PLK2: variants seen among roughly 807,000 people sequenced by gnomAD.
The protein encoded by PLK2 is serine/threonine-protein kinase PLK2.
A neutral mutation model predicts 78.1 loss-of-function variants in PLK2; 25 were observed. That is an observed-to-expected ratio of 0.32 (90% CI 0.23 to 0.45). The LOEUF (loss-of-function observed/expected upper bound fraction) is 0.45, where lower values mean the gene tolerates loss of function less well. Among genes scored for constraint, PLK2 ranks in the 20% least tolerant of loss-of-function variants. PLK2 has a pLI of 1.00. For missense variants in PLK2, 566 were observed against 840.2 expected, an observed-to-expected ratio of 0.67 and a Z score of 4.04; for synonymous variants, 332 against 298.2, an observed-to-expected ratio of 1.11 and a Z score of -1.17.
intron 1 of PLK2, 144 bp from the exon 2 acceptor site, chr5:58,459,236 C>A: frequency 1.6e-6 from 1 of 617,712 alleles, no homozygotes; most frequent in South Asian, 2.0e-5. Flanking sequence ...GGGAGGCATT[C>A]GACTTCGTTA....
chr5:58,456,512 T>C lies in PLK2; in HGVS notation c.1234A>G (p.Ser412Gly). The change falls in exon 9 of 14, where the codon AGC (serine) becomes GGC (glycine). Residue 412 changes from serine to glycine, a missense_variant. Transcript: ENST00000274289. Reference sequence around the variant, plus strand: ...CACACCTCATCTGTCCTGTGTTTGCTGGGTTGCTGAGTTATTGAAGTCTTT... The same window carrying C: ...CACACCTCATCTGTCCTGTGTTTGCCGGGTTGCTGAGTTATTGAAGTCTTT... ...LKKTSITQQPSKHRTDEELQP... is the reference protein window; with the variant it reads ...LKKTSITQQPGKHRTDEELQP... 6.2e-7 allele frequency: 1 copy of C among 1,610,770 alleles called. No homozygotes were observed.
intron 5 of PLK2, 27 bp from the exon 6 acceptor site, chr5:58,457,610 G>C: frequency 7.5e-7 from 1 of 1,325,860 alleles, no homozygotes; most frequent in South Asian, 1.2e-5. Context: ...TTGAGATCGT[G>C]TTAGGAACTA....
chr5:58,455,119 T>G, intron 12 of PLK2, 98 bp from the exon 13 acceptor site: 1 of 1,128,858 alleles, frequency 8.9e-7, no homozygotes, highest in East Asian at 2.3e-5. Flanking sequence ...TAAGCAAGCA[T>G]CAGAATGGCT....
intron 3 of PLK2, 27 bp downstream of exon 3, chr5:58,458,698 T>A (rs200890812): frequency 1.1e-4 from 143 of 1,312,510 alleles, no homozygotes; most frequent in Middle Eastern, 4.3e-4. Context: ...GGTAAGCAAA[T>A]GTTCTCAAAT....
At position 58,456,043 on chromosome 5, in the gene PLK2, C is replaced by G; in HGVS notation, c.1367G>C (p.Cys456Ser). The G allele has an allele frequency of 6.2e-7, 1 of 1,612,464 alleles. No homozygotes were observed. The highest frequency in any genetic ancestry group is 8.5e-7 in the Non-Finnish European group (1 of 1,179,600). ...RMIVRGTLGS[C>S]SSSSECLEDS... is the part of the protein sequence containing the mutation. Reference sequence around the variant, plus strand: ...CCACTTACATTCACTGCTGCTGCTACAGCTGCCAAGAGTCCCTCTGACTAT... The same window carrying G: ...CCACTTACATTCACTGCTGCTGCTAGAGCTGCCAAGAGTCCCTCTGACTAT... Residue 456 changes from cysteine to serine, a missense_variant, in exon 10 of 14, where the codon TGT (cysteine) becomes TCT (serine). Physicochemically the swap from Cys to Ser is moderately radical, Grantham distance 112 (BLOSUM62 -1). Transcript: ENST00000274289.
Position 58,458,508 on chromosome 5 carries a change from T to A in PLK2, c.516A>T (p.Lys172Asn). The A allele has an allele frequency of 2.5e-6, 4 of 1,611,808 alleles. No homozygotes were observed. Among genetic ancestry groups the A allele is most frequent in the Non-Finnish European group, 3.4e-6 (4 of 1,179,058 alleles). Residue 172 changes from lysine (K) to asparagine (N), a missense_variant, in exon 4 of 14, where the codon AAA (lysine) becomes AAT (asparagine). Transcript: ENST00000274289. ...CSRRSMAHILKARKVLTEPEV... is the reference protein window; with the variant it reads ...CSRRSMAHILNARKVLTEPEV... ...CTGGCTCTGTCAACACCTTTCTTGC[T>A]TTCAAAATATGAGCCATTGACTAAG...
chr5:58,459,767 A>T lies in PLK2; in HGVS notation c.193T>A (p.Ser65Thr), dbSNP rs1287455177. 1.2e-6 allele frequency: 2 copies of T among 1,607,462 alleles called. No individual in the cohort carries two copies. The highest frequency in any genetic ancestry group is 2.2e-5 in the South Asian group (2 of 91,044). The change falls in exon 1 of 14, where the codon TCG (serine) becomes ACG (threonine). Residue 65 changes from serine (S) to threonine (T), a missense_variant. Ser to Thr is a moderately conservative substitution (Grantham distance 58). This residue lies in a region of PLK2 where 127 missense variants were observed against 122.5 expected (regional missense o/e 1.04). Transcript: ENST00000274289. ...APHHHHHHSHSGPEISRIIVD... is the reference protein window; with the variant it reads ...APHHHHHHSHTGPEISRIIVD... ...ATAATCCGCGAGATCTCCGGCCCCGAGTGCGAATGGTGGTGATGGTGGTGA... is the reference window on the plus strand; with the variant it reads ...ATAATCCGCGAGATCTCCGGCCCCGTGTGCGAATGGTGGTGATGGTGGTGA...
Position 58,459,793 on chromosome 5 carries a change from G to T in PLK2, c.167C>A (p.Pro56His). ...QSQAQVPPAA[P>H]HHHHHHSHSG... ...GTGCGAATGGTGGTGATGGTGGTGA[G>T]GGGCCGCCGGGGGCACTTGCGCCTG... is the stretch of plus-strand genomic sequence containing the variant. Residue 56 changes from proline (P) to histidine (H), a missense_variant, in exon 1 of 14, where the codon CCT becomes CAT. Physicochemically the swap from Pro to His is moderately conservative, Grantham distance 77 (BLOSUM62 -2). Around this residue, in one of 5 missense-constraint regions of PLK2, gnomAD observed 127 missense variants for 122.5 expected, o/e 1.04. Coordinates refer to ENST00000274289, the MANE Select transcript of PLK2 (RefSeq NM_006622.4). 6.2e-7 allele frequency: 1 copy of T among 1,608,132 alleles called. No homozygotes were observed.
rs762404906 is a variant in PLK2, at chr5:58,459,903, C to A, written c.57G>T (p.Glu19Asp). The A allele has an allele frequency of 1.2e-6, 2 of 1,612,250 alleles. No homozygotes were observed. The highest frequency in any genetic ancestry group is 2.2e-5 in the South Asian group (2 of 91,050). The change falls in exon 1 of 14, where the codon GAG becomes GAT. Residue 19 changes from glutamate (E) to aspartate (D), a missense_variant. Coordinates refer to ENST00000274289, the MANE Select transcript of PLK2 (RefSeq NM_006622.4). ...YQPAASTKMC[E>D]QALGKGCGAD... ...CTCCGCAACCCTTGCCCAGCGCCTGCTCGCACATTTTGGTGCTGGCGGCTG... is the reference window on the plus strand; with the variant it reads ...CTCCGCAACCCTTGCCCAGCGCCTGATCGCACATTTTGGTGCTGGCGGCTG...
intron 8 of PLK2, 73 bp downstream of exon 8, chr5:58,456,870 TTC>T: frequency 1.0e-6 from 1 of 975,568 alleles, no homozygotes. Context: ...TAATATAAAA[TTC>T]TCTTTTAACT....
chr5:58,459,509 G>A, intron 1 of PLK2, 181 bp downstream of exon 1: 1 of 599,326 alleles, frequency 1.7e-6, no homozygotes, highest in Non-Finnish European at 2.9e-6. Flanking sequence ...ATGCAAAGCC[G>A]ATCCCCAGCG....
chr5:58,459,199 AT>A, intron 1 of PLK2, 107 bp from the exon 2 acceptor site: 3 of 678,044 alleles, frequency 4.4e-6, no homozygotes, highest in East Asian at 2.7e-5. Flanking sequence ...AAAAAAAAAA[AT>A]TGAGGAATGG....
At position 58,455,029 on chromosome 5, in the gene PLK2, A is replaced by T. The variant is rs1743558264; in HGVS notation, c.1756-8T>A. The T allele has an allele frequency of 2.0e-6, 3 of 1,505,984 alleles. No individual in the cohort carries two copies. Among genetic ancestry groups the T allele is most frequent in the Non-Finnish European group, 2.8e-6 (3 of 1,082,534 alleles). The allele number at this position is 1,505,984 out of a possible 1,614,324, so 93.3% of individuals were successfully genotyped here. A position where few individuals can be genotyped will look rare whatever the true frequency, so the allele number is the denominator to read the frequency against. Reference sequence around the variant, plus strand: ...ACTAGGCAGATCTCCACCCTGGAAGAGATTAGGAGAGTGAGTTAGTGCCTA... The same window carrying T: ...ACTAGGCAGATCTCCACCCTGGAAGTGATTAGGAGAGTGAGTTAGTGCCTA... On this transcript the variant is annotated splice_polypyrimidine_tract_variant and splice_region_variant and intron_variant, in intron 12 of 13. Transcript: ENST00000274289.
At chr5:58,455,827 T>C (rs2111706719) in intron 10 of PLK2, 48 bp from the exon 11 acceptor site, 1 of 1,601,552 alleles carries the variant, frequency 6.2e-7, no homozygotes, top group Non-Finnish European at 8.5e-7. Flanking sequence ...ATTTTAGCAA[T>C]AAAACCTCAG....
Position 58,457,081 on chromosome 5 carries a change from C to T in PLK2, c.1020G>A (p.Pro340=), listed in dbSNP as rs145125007. The part of the protein sequence containing the change: ...RHDFFLQGFT[P]DRLSSSCCHT... ...GACAACAGCTAGAAGACAGTCTGTC[C>T]GGAGTGAAGCCCTGTGGAATATTAG... Residue 340 remains proline (P), a synonymous_variant, in exon 8 of 14, where the codon CCG becomes CCA. Coordinates refer to ENST00000274289, the MANE Select transcript of PLK2 (RefSeq NM_006622.4). 3.0e-5 allele frequency: 48 copies of T among 1,613,154 alleles called. No individual in the cohort carries two copies. Among genetic ancestry groups the T allele is most frequent in the Admixed American group, 3.3e-5 (2 of 59,874 alleles).
rs1392004258 is a variant in PLK2, at chr5:58,458,484, T to C, written c.540A>G (p.Pro180=). 2 of 1,612,416 alleles carry C rather than the reference T, an allele frequency of 1.2e-6. No individual in the cohort carries two copies. ...ILKARKVLTE[P]EVRYYLRQIV... The stretch of plus-strand genomic sequence containing the variant: ...TCTGCCTGAGGTAGTATCGAACTTC[T>C]GGCTCTGTCAACACCTTTCTTGCTT... Residue 180 remains proline (P), a synonymous_variant, in exon 4 of 14, where the codon CCA becomes CCG. Coordinates refer to ENST00000274289, the MANE Select transcript of PLK2 (RefSeq NM_006622.4).
chr5:58,456,453 G>A (rs747290365), intron 9 of PLK2, 39 bp downstream of exon 9: 5 of 1,168,242 alleles, frequency 4.3e-6, no homozygotes, highest in Admixed American at 1.9e-5. Context: ...TGGAAATAAC[G>A]TAAAGCGTGA....
At chr5:58,459,583 G>A (rs1239877487) in intron 1 of PLK2, 107 bp downstream of exon 1, 2 of 1,041,800 alleles carry the variant, frequency 1.9e-6, no homozygotes, top group African/African-American at 1.6e-5. Context: ...TCGGACCCCC[G>A]AAAAACCCGG....
rs766054560 is a variant in PLK2, at chr5:58,454,535, T to A, written c.*48A>T. 2.4e-6 allele frequency: 3 copies of A among 1,265,612 alleles called. No individual in the cohort carries two copies. The highest frequency in any genetic ancestry group is 3.4e-6 in the Non-Finnish European group (3 of 889,360). 78.4% of individuals were successfully genotyped at this position (1,265,612 alleles called of 1,614,324 possible). A position where few individuals can be genotyped will look rare whatever the true frequency, so the allele number is the denominator to read the frequency against. ...ATCATTCTTTTGGCTTCCCTGTAGA[T>A]CTCACAGTGGAAAAGAGGAGTCCCA... On this transcript the variant is annotated 3_prime_UTR_variant, in exon 14 of 14. Transcript: ENST00000274289.
Sources: allele counts gnomAD v4.1 joint callset, GRCh38; gene constraint gnomAD v4.1.1; regional missense constraint gnomAD v4.1.1; transcripts MANE v1.5; gene names NCBI Gene and HGNC (gene_info 2026-07-23, HGNC 2026-07-21).